ZNF829: variants seen among roughly 807,000 people sequenced by gnomAD.
ZNF829 encodes the protein zinc finger protein 829.
In ZNF829, 25 loss-of-function variants were observed where a neutral mutation model predicts 35.2. The observed-to-expected ratio is 0.71, with a 90% CI of 0.52 to 0.99. The LOEUF (loss-of-function observed/expected upper bound fraction) is 0.99, where lower values mean the gene tolerates loss of function less well. Among genes scored for constraint, ZNF829 ranks in the 50% least tolerant of loss-of-function variants. The probability of loss-of-function intolerance (pLI) is 0.00; values close to 1 mark genes in which losing one functional copy is unlikely to be tolerated. For synonymous variants in ZNF829, 136 were observed against 163.2 expected (o/e 0.83, Z 1.27); for missense variants, 417 against 515.3 (o/e 0.81, Z 1.85).
At chr19:36,900,145 A>AACACACACACACACACAC (rs56218050) in intron 5 of ZNF829, among the ~76,000 whole-genome samples, 5 of 120,446 alleles carry the variant, frequency 4.2e-5, no homozygotes, top group African/African-American at 1.7e-4. Flanking sequence ...GTCTCTACTA[A>AACACACACACACACACAC]ACACACACAC....
In ZNF829 at chr19:36,902,906, C is replaced by G. The variant is rs536837762; in HGVS notation, c.319+5023G>C. Among the ~76,000 whole-genome samples, 19 of 152,150 alleles carry G rather than the reference C, an allele frequency of 1.2e-4. No homozygotes were observed. In the East Asian group the frequency reaches 2.5e-3, roughly 20 times the overall value. On this transcript the variant is annotated intron_variant, in intron 5 of 5. Transcript: ENST00000391711. ...CAAAAATTAGCTGGACATGGTGGCG[C>G]ACGCCTGTAATCCCAGCTACTTGGG...
intron 5 of ZNF829, chr19:36,902,180 A>C (rs10426088): frequency 3.1e-5 from 8 of 257,274 alleles, no homozygotes; most frequent in South Asian, 1.7e-4. Flanking sequence ...AAAAAAAAAA[A>C]CAAGTACCCC....
At position 36,915,150 on chromosome 19, in the gene ZNF829, C is replaced by G; in HGVS notation, c.18G>C (p.Leu6=). 1 of 1,614,092 alleles carries G rather than the reference C, an allele frequency of 6.2e-7. No individual in the cohort carries two copies. Among genetic ancestry groups the G allele is most frequent in the Non-Finnish European group, 8.5e-7 (1 of 1,180,012 alleles). Residue 6 remains leucine (L), a synonymous_variant, in exon 2 of 6, where the codon CTG becomes CTC. Coordinates refer to ENST00000391711, the MANE Select transcript of ZNF829 (RefSeq NM_001037232.4). MPHSP[L]ISIPHVWCHP... ...CCCACCACACATGAGGAATGGAGAT[C>G]AGAGGAGAATGGGGCATTCTGTCCA...
intron 5 of ZNF829, among the ~76,000 whole-genome samples, chr19:36,895,375 G>C (rs2073102868): frequency 2.0e-5 from 3 of 152,022 alleles, no homozygotes; most frequent in African/African-American, 7.2e-5. Context: ...CTCACTGGTA[G>C]AGCAGATACA....
rs763558897 is a variant in ZNF829, at chr19:36,891,557, C to T, written c.1234G>A (p.Glu412Lys). 1 of 1,610,498 alleles carries T rather than the reference C, an allele frequency of 6.2e-7. No individual in the cohort carries two copies. Among genetic ancestry groups the T allele is most frequent in the Non-Finnish European group, 8.5e-7 (1 of 1,178,548 alleles). Residue 412 changes from glutamate to lysine, a missense_variant, in exon 6 of 6, where the codon GAA becomes AAA. Physicochemically the swap from Glu to Lys is moderately conservative, Grantham distance 56. Coordinates refer to ENST00000391711, the MANE Select transcript of ZNF829 (RefSeq NM_001037232.4). ...CGACTACCAAAAGCCTTTCCACATT[C>T]CTTACAGTCATAGGGTTTCTCACCA... ...HTGEKPYDCK[E>K]CGKAFGSRSD...
chr19:36,914,220 GA>G (rs2073286682), intron 3 of ZNF829, among the ~76,000 whole-genome samples: 2 of 151,974 alleles, frequency 1.3e-5, no homozygotes, highest in Non-Finnish European at 2.9e-5. Context: ...TAACCATAAA[GA>G]AAAAATATTG....
intron 3 of ZNF829, among the ~76,000 whole-genome samples, chr19:36,911,214 CT>C (rs923702803): frequency 7.5e-4 from 108 of 144,372 alleles, no homozygotes; most frequent in Middle Eastern, 3.6e-3. Flanking sequence ...GGGACTGAGT[CT>C]TTTTTTTTTT....
rs2073015630 is a variant in ZNF829 at position 36,888,232 on chromosome 19, CTG to C, written c.*3258_*3259del. 1 of 152,080 alleles carries C rather than the reference CTG, an allele frequency of 6.6e-6. No homozygotes were observed. The highest frequency in any genetic ancestry group is 2.4e-5 in the African/African-American group (1 of 41,418). The allele number at this position is 152,080 out of a possible 1,614,324, so 9.4% of individuals were successfully genotyped here. On this transcript the variant is annotated 3_prime_UTR_variant, in exon 6 of 6. Coordinates refer to ENST00000391711, the MANE Select transcript of ZNF829 (RefSeq NM_001037232.4). ...AATAGAAATGAAATTATAAATTGTGCTGTCTTGTTTGATCAAAAGTTTGATAA... is the reference window on the plus strand; with the variant it reads ...AATAGAAATGAAATTATAAATTGTGCTCTTGTTTGATCAAAAGTTTGATAA...
At chr19:36,907,158 A>G (rs909087310) in intron 5 of ZNF829, 1 of 151,124 alleles carries the variant, frequency 6.6e-6, no homozygotes, top group Non-Finnish European at 1.5e-5. Flanking sequence ...GAAATATAAC[A>G]TAGCCAATAA....
intron 5 of ZNF829, among the ~76,000 whole-genome samples, chr19:36,899,483 GAAAA>G (rs35093483): frequency 7.3e-6 from 1 of 137,506 alleles, no homozygotes; most frequent in Non-Finnish European, 1.6e-5. Flanking sequence ...ATTAGTAAAA[GAAAA>G]AAAAATACAT....
intron 5 of ZNF829, among the ~76,000 whole-genome samples, chr19:36,900,374 A>G (rs2073154831): frequency 6.7e-6 from 1 of 150,168 alleles, no homozygotes; most frequent in Admixed American, 6.6e-5. Flanking sequence ...AAAAAAAAAA[A>G]TTCCCCTAAA....
chr19:36,915,207 A>G lies in ZNF829; in HGVS notation c.-40T>C. 6 of 1,614,120 alleles carry G rather than the reference A, an allele frequency of 3.7e-6. No homozygotes were observed. The highest frequency in any genetic ancestry group is 5.1e-6 in the Non-Finnish European group (6 of 1,180,016). The stretch of plus-strand genomic sequence containing the variant: ...GTGGCTCAGGGGAAAGGTTGTGTTC[A>G]CTGCTGTCCAGGGTTGGAATCTGAC... On this transcript the variant is annotated 5_prime_UTR_variant, in exon 2 of 6. The change abolishes the stop of an existing upstream ORF in the 5' untranslated region. Coordinates refer to ENST00000391711, the MANE Select transcript of ZNF829 (RefSeq NM_001037232.4).
rs1018286281 is a variant in ZNF829, at chr19:36,888,473, G to A, written c.*3019C>T. The A allele has an allele frequency of 6.6e-6, 1 of 152,036 alleles. No individual in the cohort carries two copies. Among genetic ancestry groups the A allele is most frequent in the African/African-American group, 2.4e-5 (1 of 41,398 alleles). The allele number at this position is 152,036 out of a possible 1,614,324, so 9.4% of individuals were successfully genotyped here. ...TTCCCACCTACCACACTAAATTCTT[G>A]TGATCTTTCTACTCTGCACTCTGAA... is the stretch of plus-strand genomic sequence containing the variant. On this transcript the variant is annotated 3_prime_UTR_variant, in exon 6 of 6. Transcript: ENST00000391711.
rs143364094 is a variant in ZNF829 at position 36,911,877 on chromosome 19, T to C, written c.96+3088A>G. 1.7e-3 allele frequency among the ~76,000 whole-genome samples: 257 copies of C among 152,260 alleles called. 1 individual carries two copies. The highest frequency in any genetic ancestry group is 5.3e-3 in the Admixed American group (81 of 15,288). ...AGAAGTGTATGACAGATGTCATAAG[T>C]AGCCATTTCAAGAAGACATGCTGTG... On this transcript the variant is annotated intron_variant, in intron 3 of 5. Coordinates refer to ENST00000391711, the MANE Select transcript of ZNF829 (RefSeq NM_001037232.4).
At position 36,891,231 on chromosome 19, in the gene ZNF829, T is replaced by C. The variant is rs573857681; in HGVS notation, c.*261A>G. Reference sequence around the variant, plus strand: ...GTTAACAGAGGTTAGGAAAAAGGCATAGAACAGATCCTCAGAGTCCTCAGA... The same window carrying C: ...GTTAACAGAGGTTAGGAAAAAGGCACAGAACAGATCCTCAGAGTCCTCAGA... On this transcript the variant is annotated 3_prime_UTR_variant, in exon 6 of 6. Coordinates refer to ENST00000391711, the MANE Select transcript of ZNF829 (RefSeq NM_001037232.4). The C allele has an allele frequency of 2.4e-5, 9 of 368,496 alleles. No homozygotes were observed. The highest frequency in any genetic ancestry group is 3.9e-5 in the Non-Finnish European group (8 of 207,744). 22.8% of individuals were successfully genotyped at this position (368,496 alleles called of 1,614,324 possible). A position where few individuals can be genotyped will look rare whatever the true frequency, so the allele number is the denominator to read the frequency against.
chr19:36,909,530 C>T (rs995683280), intron 3 of ZNF829, among the ~76,000 whole-genome samples: 14 of 152,028 alleles, frequency 9.2e-5, no homozygotes, highest in Admixed American at 7.2e-4. Flanking sequence ...AATTATGAGC[C>T]GAGCATGGTG....
At chr19:36,892,755 C>T in intron 5 of ZNF829, 1 of 497,438 alleles carries the variant, frequency 2.0e-6, no homozygotes, top group Non-Finnish European at 3.4e-6. Flanking sequence ...TGTTCAGCAC[C>T]ATCCTCCATA....
At chr19:36,907,823 T>C in intron 5 of ZNF829, 106 bp downstream of exon 5, 1 of 882,968 alleles carries the variant, frequency 1.1e-6, no homozygotes, top group African/African-American at 1.8e-5. Flanking sequence ...AAAAGTGGGA[T>C]AGCTTATATG....
intron 4 of ZNF829, 82 bp from the exon 5 acceptor site, chr19:36,908,106 G>A: frequency 7.6e-7 from 1 of 1,313,024 alleles, no homozygotes; most frequent in Non-Finnish European, 1.1e-6. Flanking sequence ...GATCAAAGGA[G>A]AGATGCCACT....
Sources: allele counts gnomAD v4.1 joint callset (sites outside exome capture counted in the v4.1 genomes callset), GRCh38; gene constraint gnomAD v4.1.1; transcripts MANE v1.5; gene names NCBI Gene and HGNC (gene_info 2026-07-23, HGNC 2026-07-21).